DPP10: variants seen among roughly 807,000 people sequenced by gnomAD.
DPP10 encodes dipeptidyl peptidase like 10.
Under a neutral mutation model 120.9 loss-of-function variants are expected in DPP10, and 33 were observed. The ratio of observed to expected loss-of-function variants is 0.27; its 90% CI spans 0.21 to 0.37. The LOEUF (loss-of-function observed/expected upper bound fraction) is 0.37, where lower values mean the gene tolerates loss of function less well. Among genes scored for constraint, DPP10 ranks in the 10% least tolerant of loss-of-function variants. The pLI is 1.00. For synonymous variants in DPP10, 337 were observed against 326.1 expected, an observed-to-expected ratio of 1.03 and a Z score of -0.36; for missense variants, 816 against 942.8, an observed-to-expected ratio of 0.87 and a Z score of 1.76.
intron 1 of DPP10, among the ~76,000 whole-genome samples, chr2:115,062,107 T>G (rs565954800): frequency 6.6e-6 from 1 of 150,836 alleles, no homozygotes; most frequent in South Asian, 2.1e-4. Flanking sequence ...AAAACTGTAT[T>G]GTTGTTTTAA....
chr2:115,319,647 A>G (rs1471666782), intron 2 of DPP10, among the ~76,000 whole-genome samples: 2 of 152,184 alleles, frequency 1.3e-5, no homozygotes, highest in African/African-American at 4.8e-5. Context: ...TTTACATCAT[A>G]TAATGTCTTA....
At chr2:115,214,483 A>G (rs1265994189) in intron 1 of DPP10, among the ~76,000 whole-genome samples, 1 of 152,208 alleles carries the variant, frequency 6.6e-6, no homozygotes, top group East Asian at 1.9e-4. Context: ...ATGTTAAGAT[A>G]CACTGAGATC....
At chr2:115,046,010 CTGTGTG>C (rs10538369) in intron 1 of DPP10, among the ~76,000 whole-genome samples, 131 of 151,580 alleles carry the variant, frequency 8.6e-4, no homozygotes, top group Non-Finnish European at 1.2e-3. Flanking sequence ...GTGTGTGTGT[CTGTGTG>C]TGTGTGTGTG....
chr2:115,563,038 T>A (rs2149057755), intron 5 of DPP10, among the ~76,000 whole-genome samples: 1 of 152,378 alleles, frequency 6.6e-6, no homozygotes, highest in East Asian at 1.9e-4. Flanking sequence ...TCCTGGAATA[T>A]AATTCATGGG....
chr2:115,200,095 G>A (rs2055585662), intron 1 of DPP10, among the ~76,000 whole-genome samples: 1 of 152,154 alleles, frequency 6.6e-6, no homozygotes, highest in Admixed American at 6.5e-5. Context: ...CTGAGAAGCA[G>A]AGTGCTTTTT....
chr2:114,958,714 A>G (rs1276434395), intron 1 of DPP10, among the ~76,000 whole-genome samples: 1 of 152,188 alleles, frequency 6.6e-6, no homozygotes, highest in African/African-American at 2.4e-5. Flanking sequence ...GGTGTCATAC[A>G]TTACTTTTGA....
At chr2:115,057,001 C>T (rs1476484480) in intron 1 of DPP10, among the ~76,000 whole-genome samples, 1 of 152,202 alleles carries the variant, frequency 6.6e-6, no homozygotes, top group Admixed American at 6.5e-5. Context: ...GGTTCCTTTC[C>T]TCAATTAAGT....
intron 1 of DPP10, among the ~76,000 whole-genome samples, chr2:115,010,914 C>G (rs536681933): frequency 1.3e-5 from 2 of 152,106 alleles, no homozygotes; most frequent in African/African-American, 4.8e-5. Flanking sequence ...GAAAGGCAAA[C>G]GTAAACATGA....
intron 3 of DPP10, among the ~76,000 whole-genome samples, chr2:115,445,866 C>A (rs902526681): frequency 1.3e-5 from 2 of 152,186 alleles, no homozygotes; most frequent in African/African-American, 4.8e-5. Flanking sequence ...CCTTTCATCA[C>A]AGGCCTGGAG....
chr2:114,566,606 G>A (rs1689219786), intron 1 of DPP10, among the ~76,000 whole-genome samples: 1 of 152,142 alleles, frequency 6.6e-6, no homozygotes, highest in African/African-American at 2.4e-5. Flanking sequence ...TTTAAACTTA[G>A]GTGTTAAGTT....
chr2:115,255,603 C>CT (rs2058949809), intron 1 of DPP10, among the ~76,000 whole-genome samples: 1 of 152,206 alleles, frequency 6.6e-6, no homozygotes, highest in African/African-American at 2.4e-5. Context: ...TCTGCTTCCT[C>CT]TTTAATTATT....
intron 5 of DPP10, among the ~76,000 whole-genome samples, chr2:115,606,609 A>G (rs1434922868): frequency 6.6e-6 from 1 of 152,126 alleles, no homozygotes; most frequent in Non-Finnish European, 1.5e-5. Flanking sequence ...AGTAAAGTGA[A>G]CCTAGGAATT....
intron 10 of DPP10, among the ~76,000 whole-genome samples, chr2:115,750,428 G>A (rs1312270362): frequency 6.6e-6 from 1 of 152,152 alleles, no homozygotes; most frequent in African/African-American, 2.4e-5. Flanking sequence ...AATTTCAGTG[G>A]TTTGAAATGG....
At chr2:115,583,348 A>G (rs1226201580) in intron 5 of DPP10, among the ~76,000 whole-genome samples, 1 of 152,220 alleles carries the variant, frequency 6.6e-6, no homozygotes, top group Non-Finnish European at 1.5e-5. Context: ...AGAAATTTGA[A>G]TAAGGAGATT....
intron 1 of DPP10, among the ~76,000 whole-genome samples, chr2:114,809,446 T>G (rs1685000357): frequency 6.6e-6 from 1 of 152,244 alleles, no homozygotes; most frequent in African/African-American, 2.4e-5. Context: ...AACTCTCATA[T>G]TTTTGAAGCT....
chr2:115,318,223 G>A (rs2061891243), intron 2 of DPP10, among the ~76,000 whole-genome samples: 1 of 152,004 alleles, frequency 6.6e-6, no homozygotes, highest in African/African-American at 2.4e-5. Flanking sequence ...ATTATTGTGT[G>A]AACCTTCCTT....
At chr2:115,507,532 G>T (rs2077011400) in intron 4 of DPP10, among the ~76,000 whole-genome samples, 1 of 152,142 alleles carries the variant, frequency 6.6e-6, no homozygotes, top group African/African-American at 2.4e-5. Context: ...TGTGTAGGTT[G>T]CAAGGCCAGT....
rs113831371 is a variant in DPP10 at position 115,297,096 on chromosome 2, G to A, written c.61-12143G>A. Among the ~76,000 whole-genome samples, 1,138 of 152,112 alleles carry A rather than the reference G, an allele frequency of 7.5e-3. 17 individuals carry two copies. Among genetic ancestry groups the A allele is most frequent in the African/African-American group, 0.026 (1,065 of 41,516 alleles). Reference sequence around the variant, plus strand: ...TTTCACTTGCATTATTTCTTGGAAAGCTCGTAAATACTGTATGCAAGTATC... The same window carrying A: ...TTTCACTTGCATTATTTCTTGGAAAACTCGTAAATACTGTATGCAAGTATC... On this transcript the variant is annotated intron_variant, in intron 1 of 25. Transcript: ENST00000410059.
chr2:115,461,545 C>T (rs2073985975), intron 3 of DPP10, among the ~76,000 whole-genome samples: 1 of 152,026 alleles, frequency 6.6e-6, no homozygotes, highest in African/African-American at 2.4e-5. Flanking sequence ...CACTTATAAG[C>T]AAAAACTGGT....
Sources: allele counts gnomAD v4.1 joint callset (sites outside exome capture counted in the v4.1 genomes callset), GRCh38; gene constraint gnomAD v4.1.1; transcripts MANE v1.5; gene names NCBI Gene and HGNC (gene_info 2026-07-23, HGNC 2026-07-21).